Variants in ADAMTS18 observed in about 807,000 individuals in gnomAD.
The protein encoded by ADAMTS18 is ADAM metallopeptidase with thrombospondin type 1 motif 18.
ADAMTS18 carries 157 observed loss-of-function variants against 165.9 expected under a neutral mutation model. That is an observed-to-expected ratio of 0.95 (90% CI 0.83 to 1.08). The LOEUF (loss-of-function observed/expected upper bound fraction) is 1.08, where lower values mean the gene tolerates loss of function less well. ADAMTS18 is among the 50% of genes least tolerant of loss of function. The pLI is 0.00. For synonymous variants in ADAMTS18, 782 were observed against 578.2 expected, an observed-to-expected ratio of 1.35 and a Z score of -5.06; for missense variants, 2,040 against 1,534.0, an observed-to-expected ratio of 1.33 and a Z score of -5.51.
At chr16:77,302,449 A>G (rs11640579) in intron 16 of ADAMTS18, among the ~76,000 whole-genome samples, 141,549 of 152,176 alleles carry the variant, frequency 0.93, 66,347 homozygotes, top group Non-Finnish European at 0.99. Context: ...TAAGAGTTAC[A>G]GTGCGCTAAG....
chr16:77,330,640 G>T (rs1393939643), intron 12 of ADAMTS18, among the ~76,000 whole-genome samples: 1 of 152,184 alleles, frequency 6.6e-6, no homozygotes, highest in African/African-American at 2.4e-5. Context: ...GCTTCCGTCA[G>T]TTAAAACTAT....
At chr16:77,418,049 A>T (rs1379134813) in intron 3 of ADAMTS18, among the ~76,000 whole-genome samples, 2 of 152,222 alleles carry the variant, frequency 1.3e-5, no homozygotes, top group African/African-American at 2.4e-5. Flanking sequence ...GAATTTTATT[A>T]TAAATACATC....
At chr16:77,307,671 G>C (rs2055705883) in intron 16 of ADAMTS18, among the ~76,000 whole-genome samples, 1 of 152,158 alleles carries the variant, frequency 6.6e-6, no homozygotes, top group African/African-American at 2.4e-5. Context: ...TCTCGAGCCT[G>C]ACTATTCTAT....
intron 3 of ADAMTS18, among the ~76,000 whole-genome samples, chr16:77,409,013 T>TCA (rs1411606124): frequency 9.9e-6 from 1 of 101,506 alleles, no homozygotes; most frequent in African/African-American, 3.0e-5. Context: ...TGTGCCTAAT[T>TCA]TATGTTAAAC....
intron 14 of ADAMTS18, 101 bp from the exon 15 acceptor site, chr16:77,321,303 G>C (rs1182297007): frequency 6.7e-7 from 1 of 1,486,070 alleles, no homozygotes; most frequent in Non-Finnish European, 9.3e-7. Flanking sequence ...CAGAACATTA[G>C]GGAAGCAGTA....
chr16:77,389,121 G>A (rs886643468), intron 3 of ADAMTS18, among the ~76,000 whole-genome samples: 2 of 152,060 alleles, frequency 1.3e-5, no homozygotes, highest in Admixed American at 6.6e-5. Context: ...GCAACATGGC[G>A]AAACCCCATC....
At chr16:77,342,301 T>C (rs948544867) in intron 10 of ADAMTS18, among the ~76,000 whole-genome samples, 4 of 152,208 alleles carry the variant, frequency 2.6e-5, no homozygotes, top group African/African-American at 9.6e-5. Context: ...AGGAACTACA[T>C]GTAAAGTGAT....
chr16:77,307,883 C>T (rs748439430), intron 16 of ADAMTS18, among the ~76,000 whole-genome samples: 10 of 152,250 alleles, frequency 6.6e-5, no homozygotes, highest in East Asian at 1.9e-4. Context: ...GGTAATACTT[C>T]GTCAGTGGTG....
chr16:77,400,383 A>G (rs988524440), intron 3 of ADAMTS18, among the ~76,000 whole-genome samples: 1 of 150,004 alleles, frequency 6.7e-6, no homozygotes, highest in Non-Finnish European at 1.5e-5. Flanking sequence ...CCCCTGATTA[A>G]TGGAGGGTAG....
intron 3 of ADAMTS18, among the ~76,000 whole-genome samples, chr16:77,381,788 C>A (rs549390318): frequency 6.6e-6 from 1 of 152,214 alleles, no homozygotes; most frequent in Non-Finnish European, 1.5e-5. Flanking sequence ...GGTGACAGAG[C>A]GAGACTCCAT....
In ADAMTS18 at chr16:77,434,503, C is replaced by T; in HGVS notation, c.93G>A (p.Ala31=). ...CACAGCAGAGGCAGCACAGCTGGAG[C>T]GCCTGCAAGAGAAAAGGTGACATCG... ...GLAGLGRVAK[A]LQLCCLCCAS... Residue 31 remains alanine (A), a splice_region_variant and synonymous_variant, in exon 2 of 23, where the codon GCG becomes GCA. Transcript: ENST00000282849. 1 of 1,558,220 alleles carries T rather than the reference C, an allele frequency of 6.4e-7. No individual in the cohort carries two copies. The highest frequency in any genetic ancestry group is 8.7e-7 in the Non-Finnish European group (1 of 1,155,724).
At chr16:77,401,457 C>G (rs1388632460) in intron 3 of ADAMTS18, among the ~76,000 whole-genome samples, 1 of 152,162 alleles carries the variant, frequency 6.6e-6, no homozygotes, top group Non-Finnish European at 1.5e-5. Flanking sequence ...AAGGAAGGCA[C>G]AGAACATTTA....
At chr16:77,317,812 G>A (rs1261178354) in intron 16 of ADAMTS18, among the ~76,000 whole-genome samples, 5 of 152,096 alleles carry the variant, frequency 3.3e-5, no homozygotes, top group South Asian at 4.1e-4. Context: ...ATGGTAGCAC[G>A]GTATTTGTTC....
intron 4 of ADAMTS18, among the ~76,000 whole-genome samples, chr16:77,366,360 C>T (rs1190244700): frequency 6.6e-6 from 1 of 152,148 alleles, no homozygotes; most frequent in African/African-American, 2.4e-5. Flanking sequence ...GAGTTTGAGA[C>T]CAGCCTGGCC....
At chr16:77,293,287 A>G in intron 19 of ADAMTS18, 29 bp from the exon 20 acceptor site, 1 of 1,594,000 alleles carries the variant, frequency 6.3e-7, no homozygotes, top group Admixed American at 1.7e-5. Context: ...TTCTATTTGC[A>G]TTCCCATTAG....
At chr16:77,400,481 T>TGTGTGTGTG (rs1491498451) in intron 3 of ADAMTS18, among the ~76,000 whole-genome samples, 2 of 109,666 alleles carry the variant, frequency 1.8e-5, no homozygotes, top group African/African-American at 6.1e-5. Flanking sequence ...TGTGTGTGTG[T>TGTGTGTGTG]TTTGTTTTTT....
intron 3 of ADAMTS18, among the ~76,000 whole-genome samples, chr16:77,414,754 C>T (rs969063646): frequency 2.6e-5 from 4 of 152,246 alleles, no homozygotes; most frequent in Non-Finnish European, 5.9e-5. Context: ...TTCAAAGACA[C>T]AAATGAACTG....
intron 12 of ADAMTS18, among the ~76,000 whole-genome samples, chr16:77,327,737 T>A (rs949617710): frequency 6.6e-6 from 1 of 152,292 alleles, no homozygotes. Context: ...TACATGCACA[T>A]ACCCTATCTC....
intron 3 of ADAMTS18, among the ~76,000 whole-genome samples, chr16:77,418,750 G>C (rs1360867389): frequency 1.3e-5 from 2 of 152,226 alleles, no homozygotes; most frequent in Admixed American, 6.5e-5. Context: ...AATCTGAAAA[G>C]GGGACTATTT....
Sources: allele counts gnomAD v4.1 joint callset (sites outside exome capture counted in the v4.1 genomes callset), GRCh38; gene constraint gnomAD v4.1.1; transcripts MANE v1.5; gene names NCBI Gene and HGNC (gene_info 2026-07-23, HGNC 2026-07-21).